FER: variants seen among roughly 807,000 people sequenced by gnomAD.
FER encodes the protein FER tyrosine kinase, also known as tyrosine-protein kinase Fer.
A neutral mutation model predicts 111.0 loss-of-function variants in FER; 63 were observed. That is an observed-to-expected ratio of 0.57 (90% confidence interval 0.46 to 0.70). The LOEUF (loss-of-function observed/expected upper bound fraction) is 0.70. Among genes scored for constraint, FER ranks in the 30% least tolerant of loss-of-function variants. The probability of loss-of-function intolerance (pLI) is 0.00; values close to 1 mark genes in which losing one functional copy is unlikely to be tolerated. For missense variants in FER, 914 were observed against 954.0 expected, an observed-to-expected ratio of 0.96 and a Z score of 0.55; for synonymous variants, 327 against 313.9, an observed-to-expected ratio of 1.04 and a Z score of -0.44.
chr5:108,862,210 T>A (rs376661892), intron 5 of FER, among the ~76,000 whole-genome samples: 2 of 152,294 alleles, frequency 1.3e-5, no homozygotes, highest in African/African-American at 4.8e-5. Context: ...TAATGACCAT[T>A]GGTAAGCTGT....
intron 13 of FER, among the ~76,000 whole-genome samples, chr5:108,968,112 G>A (rs1760140839): frequency 6.6e-6 from 1 of 152,194 alleles, no homozygotes; most frequent in Non-Finnish European, 1.5e-5. Context: ...AAAGTGGCCG[G>A]GCACAGTGGC....
At chr5:109,161,475 C>T (rs1309432323) in intron 17 of FER, among the ~76,000 whole-genome samples, 8 of 152,062 alleles carry the variant, frequency 5.3e-5, no homozygotes, top group African/African-American at 1.9e-4. Context: ...CATGTGTTCT[C>T]ATCGTTTAGC....
At chr5:108,854,901 C>A (rs1762847883) in intron 5 of FER, among the ~76,000 whole-genome samples, 1 of 149,640 alleles carries the variant, frequency 6.7e-6, no homozygotes, top group Admixed American at 6.7e-5. Flanking sequence ...CAAGATTGCC[C>A]CCACTGCACT....
chr5:109,161,374 A>G (rs1478980981), intron 17 of FER, among the ~76,000 whole-genome samples: 1 of 151,940 alleles, frequency 6.6e-6, no homozygotes, highest in African/African-American at 2.4e-5. Flanking sequence ...TAAGTCTAGT[A>G]CCCACTAGAC....
intron 2 of FER, chr5:108,784,348 T>C (rs1309026247): frequency 6.5e-6 from 1 of 153,262 alleles, no homozygotes; most frequent in Non-Finnish European, 1.5e-5. Flanking sequence ...GCTCCTTGGA[T>C]GGAACCCCAT....
chr5:108,962,121 C>A (rs57814250), intron 13 of FER, among the ~76,000 whole-genome samples: 40,650 of 151,894 alleles, frequency 0.27, 5,776 homozygotes, highest in African/African-American at 0.37. Context: ...TCAGAGGTAC[C>A]GAAAACTAGA....
intron 13 of FER, among the ~76,000 whole-genome samples, chr5:108,977,355 G>A (rs1761490410): frequency 6.6e-6 from 1 of 152,020 alleles, no homozygotes; most frequent in South Asian, 2.1e-4. Context: ...TGTATTTTAT[G>A]GATTCATGAC....
At chr5:109,090,064 G>T (rs1025437345) in intron 16 of FER, among the ~76,000 whole-genome samples, 8 of 152,154 alleles carry the variant, frequency 5.3e-5, no homozygotes, top group Non-Finnish European at 8.8e-5. Context: ...TTGGAGGTCT[G>T]TCTGAAGGAC....
At chr5:109,119,309 T>C (rs1191420756) in intron 17 of FER, among the ~76,000 whole-genome samples, 3 of 152,156 alleles carry the variant, frequency 2.0e-5, no homozygotes, top group Non-Finnish European at 4.4e-5. Flanking sequence ...TTCCATGTAG[T>C]TGAGTGGTTT....
intron 17 of FER, among the ~76,000 whole-genome samples, chr5:109,142,665 C>G (rs948553088): frequency 6.6e-6 from 1 of 151,864 alleles, no homozygotes; most frequent in African/African-American, 2.4e-5. Flanking sequence ...TGCAGGAACT[C>G]TGGAGGGAGA....
intron 13 of FER, among the ~76,000 whole-genome samples, chr5:109,016,343 A>G (rs975520541): frequency 6.6e-6 from 1 of 152,042 alleles, no homozygotes; most frequent in Non-Finnish European, 1.5e-5. Flanking sequence ...GTTTCTGAGT[A>G]GTTCAAGATT....
At chr5:109,136,733 CT>C (rs34158572) in intron 17 of FER, among the ~76,000 whole-genome samples, 21 of 150,318 alleles carry the variant, frequency 1.4e-4, no homozygotes, top group African/African-American at 4.9e-4. Flanking sequence ...CAGATCTAGG[CT>C]TTTTTTTTCA....
chr5:109,004,196 C>T (rs1765205101), intron 13 of FER, among the ~76,000 whole-genome samples: 1 of 152,156 alleles, frequency 6.6e-6, no homozygotes, highest in Admixed American at 6.5e-5. Flanking sequence ...CCACTAGATA[C>T]ATTGGCTACT....
At position 108,933,655 on chromosome 5, in the gene FER, G is replaced by A. The variant is rs570221058; in HGVS notation, c.1237-12475G>A. Among the ~76,000 whole-genome samples, 20 of 152,120 alleles carry A rather than the reference G, an allele frequency of 1.3e-4. No homozygotes were observed. In the East Asian group the frequency reaches 2.5e-3, roughly 19 times the overall value. ...AAGAAAGTCAATGGTAACTTGATGCGGATAGCATTGAAGCACTGAATCTAT... is the reference window on the plus strand; with the variant it reads ...AAGAAAGTCAATGGTAACTTGATGCAGATAGCATTGAAGCACTGAATCTAT... On this transcript the variant is annotated intron_variant, in intron 10 of 19. Coordinates refer to ENST00000281092, the MANE Select transcript of FER (RefSeq NM_005246.4).
chr5:108,992,824 G>A (rs1223336409), intron 13 of FER, among the ~76,000 whole-genome samples: 1 of 150,360 alleles, frequency 6.7e-6, no homozygotes, highest in East Asian at 2.0e-4. Flanking sequence ...TTCTCAGACA[G>A]GGCGGCCGGG....
chr5:108,931,646 A>G (rs1210409319), intron 10 of FER, among the ~76,000 whole-genome samples: 1 of 152,124 alleles, frequency 6.6e-6, no homozygotes, highest in African/African-American at 2.4e-5. Flanking sequence ...CCTGGCCAAC[A>G]TGGTGAAACC....
chr5:108,752,334 C>G (rs1344713149), intron 1 of FER, among the ~76,000 whole-genome samples: 1 of 151,954 alleles, frequency 6.6e-6, no homozygotes, highest in Non-Finnish European at 1.5e-5. Flanking sequence ...ACTCATCATT[C>G]TACCATAATG....
intron 16 of FER, among the ~76,000 whole-genome samples, chr5:109,085,381 T>C (rs950576907): frequency 6.6e-6 from 1 of 151,798 alleles, no homozygotes; most frequent in Non-Finnish European, 1.5e-5. Flanking sequence ...CATATAGAGA[T>C]ATAATTGATA....
At chr5:108,882,894 G>T (rs560539151) in intron 8 of FER, among the ~76,000 whole-genome samples, 1 of 151,690 alleles carries the variant, frequency 6.6e-6, no homozygotes, top group African/African-American at 2.4e-5. Flanking sequence ...TACTCCTAAA[G>T]TATTACTACA....
Sources: gnomAD v4.1 joint callset for allele counts (sites outside exome capture counted in the v4.1 genomes callset) on GRCh38, gnomAD v4.1.1 for gene constraint, MANE v1.5 for transcripts, NCBI Gene and HGNC (gene_info 2026-07-23, HGNC 2026-07-21) for gene names.